TOMM22: variants seen among roughly 807,000 people sequenced by gnomAD.
The protein encoded by TOMM22 is mitochondrial import receptor subunit TOM22 homolog.
In TOMM22, 3 loss-of-function variants were observed where a neutral mutation model predicts 17.1. That is an observed-to-expected ratio of 0.18 (90% CI 0.08 to 0.45). TOMM22 has a LOEUF of 0.45. Among genes scored for constraint, TOMM22 ranks in the 20% least tolerant of loss-of-function variants. The pLI is 0.99. For missense variants in TOMM22, 159 were observed against 179.5 expected (o/e 0.89, Z 0.65); for synonymous variants, 91 against 74.0 (o/e 1.23, Z -1.18).
rs2092490027 is a variant in TOMM22, at chr22:38,684,481, A to G, written c.*640A>G. 1 of 152,170 alleles carries G rather than the reference A, an allele frequency of 6.6e-6. No homozygotes were observed. Among genetic ancestry groups the G allele is most frequent in the Admixed American group, 6.6e-5 (1 of 15,266 alleles). The allele number at this position is 152,170 out of a possible 1,614,324, so 9.4% of individuals were successfully genotyped here. ...TATTTAAATATTAAAAATGATTCCA[A>G]CTGAAAGTGTCATCCTAAGTACCTT... On this transcript the variant is annotated 3_prime_UTR_variant, in exon 4 of 4. Coordinates refer to ENST00000216034, the MANE Select transcript of TOMM22 (RefSeq NM_020243.5).
Position 38,683,891 on chromosome 22 carries a change from G to C in TOMM22, c.*50G>C. 6.0e-6 allele frequency: 9 copies of C among 1,496,870 alleles called. No homozygotes were observed. The highest frequency in any genetic ancestry group is 8.3e-6 in the Non-Finnish European group (9 of 1,086,394). The allele number at this position is 1,496,870 out of a possible 1,614,324, so 92.7% of individuals were successfully genotyped here. On this transcript the variant is annotated 3_prime_UTR_variant, in exon 4 of 4. Coordinates refer to ENST00000216034, the MANE Select transcript of TOMM22 (RefSeq NM_020243.5). ...TCAGTGGGATAAGTTTGAAATTCAA[G>C]TGTTTGAACTGCTGATAATTTGGAT...
Position 38,685,107 on chromosome 22 carries a change from C to T in TOMM22, c.*1266C>T, listed in dbSNP as rs1271388377. ...CAGAGTAAGCCTTTTGTGTGTTTATCAGATCAACCAACACTACAATCTAGG... is the reference window on the plus strand; with the variant it reads ...CAGAGTAAGCCTTTTGTGTGTTTATTAGATCAACCAACACTACAATCTAGG... On this transcript the variant is annotated 3_prime_UTR_variant, in exon 4 of 4. Coordinates refer to ENST00000216034, the MANE Select transcript of TOMM22 (RefSeq NM_020243.5). The T allele has an allele frequency of 6.6e-6, 1 of 152,152 alleles. No homozygotes were observed. Among genetic ancestry groups the T allele is most frequent in the Non-Finnish European group, 1.5e-5 (1 of 68,026 alleles). 9.4% of individuals were successfully genotyped at this position (152,152 alleles called of 1,614,324 possible). A position where few individuals can be genotyped will look rare whatever the true frequency, so the allele number is the denominator to read the frequency against.
Position 38,681,971 on chromosome 22 carries a change from C to T in TOMM22, c.-8C>T, listed in dbSNP as rs778490691. On this transcript the variant is annotated 5_prime_UTR_variant, in exon 1 of 4. Coordinates refer to ENST00000216034, the MANE Select transcript of TOMM22 (RefSeq NM_020243.5). ...ACCTCCTTTCCGCTTCCGGTGTCCC[C>T]TACAGTCATGGCTGCCGCCGTCGCT... 148 of 1,612,032 alleles carry T rather than the reference C, an allele frequency of 9.2e-5. No individual in the cohort carries two copies. Among genetic ancestry groups the T allele is most frequent in the South Asian group, 1.3e-4 (12 of 90,908 alleles).
At position 38,683,791 on chromosome 22, in the gene TOMM22, C is replaced by G. The variant is rs2092487209; in HGVS notation, c.379C>G (p.Leu127Val). The G allele has an allele frequency of 2.5e-6, 4 of 1,613,982 alleles. No individual in the cohort carries two copies. In the African/African-American group the frequency reaches 4.0e-5, roughly 16 times the overall value. The part of the protein sequence containing the change: ...RQILLGPNTG[L>V]SGGMPGALPS... ...GATACTTCTAGGACCTAACACAGGG[C>G]TCTCAGGAGGAATGCCAGGGGCTCT... is the stretch of plus-strand genomic sequence containing the variant. The change falls in exon 4 of 4, where the codon CTC becomes GTC. Residue 127 changes from leucine to valine, a missense_variant. By Grantham distance (32) the Leu-to-Val change is conservative. Around this residue, in one of 3 missense-constraint regions of TOMM22, gnomAD observed 33 missense variants for 34.7 expected, o/e 0.95. Transcript: ENST00000216034.
chr22:38,683,024 A>G, intron 3 of TOMM22, 28 bp downstream of exon 3: 8 of 1,594,620 alleles, frequency 5.0e-6, no homozygotes, highest in Non-Finnish European at 6.9e-6. Context: ...GCTTTTTGCC[A>G]GTGGTGGAGA....
In TOMM22 at chr22:38,682,304, C is replaced by T. The variant is rs1424397779; in HGVS notation, c.118-19C>T. 3.1e-6 allele frequency: 5 copies of T among 1,608,748 alleles called. No homozygotes were observed. Among genetic ancestry groups the T allele is most frequent in the South Asian group, 1.1e-5 (1 of 90,974 alleles). ...GGATGTCGCTTTTTCGGCTAAGACC[C>T]GCGTCTACTCCACCACAGCTAGATG... On this transcript the variant is annotated intron_variant, in intron 1 of 3. Transcript: ENST00000216034.
chr22:38,682,418 C>G lies in TOMM22; in HGVS notation c.213C>G (p.Leu71=). Residue 71 remains leucine (L), a synonymous_variant, in exon 2 of 4, where the codon CTC becomes CTG. Coordinates refer to ENST00000216034, the MANE Select transcript of TOMM22 (RefSeq NM_020243.5). Reference sequence around the variant, plus strand: ...CCGGAGCCACTTTTGATCTTTCCCTCTTTGTGGCTCAGAAAATGTACAGGT... The same window carrying G: ...CCGGAGCCACTTTTGATCTTTCCCTGTTTGTGGCTCAGAAAATGTACAGGT... The part of the protein sequence containing the change: ...SAAGATFDLS[L]FVAQKMYRFS... 1 of 1,614,170 alleles carries G rather than the reference C, an allele frequency of 6.2e-7. No individual in the cohort carries two copies. The highest frequency in any genetic ancestry group is 1.1e-5 in the South Asian group (1 of 91,078).
chr22:38,684,033 C>T lies in TOMM22; in HGVS notation c.*192C>T. 1 of 558,718 alleles carries T rather than the reference C, an allele frequency of 1.8e-6. No individual in the cohort carries two copies. Among genetic ancestry groups the T allele is most frequent in the Non-Finnish European group, 3.2e-6 (1 of 309,888 alleles). 34.6% of individuals were successfully genotyped at this position (558,718 alleles called of 1,614,324 possible). ...AACTGTGCCCTCCACACTATCCTTA[C>T]TTCTGTCTCCACTCTGATACCAGAG... is the stretch of plus-strand genomic sequence containing the variant. On this transcript the variant is annotated 3_prime_UTR_variant, in exon 4 of 4. Transcript: ENST00000216034.
chr22:38,684,859 G>A lies in TOMM22; in HGVS notation c.*1018G>A, dbSNP rs969530944. 6.8e-6 allele frequency: 1 copy of A among 147,744 alleles called. No individual in the cohort carries two copies. The highest frequency in any genetic ancestry group is 6.8e-5 in the Admixed American group (1 of 14,674). The allele number at this position is 147,744 out of a possible 1,614,324, so 9.2% of individuals were successfully genotyped here. A position where few individuals can be genotyped will look rare whatever the true frequency, so the allele number is the denominator to read the frequency against. ...GGTCTCACTGGAGTACAGTGGTGTC[G>A]TTTGGGTTCACTGCAACCTCTTACC... On this transcript the variant is annotated 3_prime_UTR_variant, in exon 4 of 4. Transcript: ENST00000216034.
Position 38,682,951 on chromosome 22 carries a change from G to C in TOMM22, c.309G>C (p.Thr103=). 1 of 1,613,782 alleles carries C rather than the reference G, an allele frequency of 6.2e-7. No individual in the cohort carries two copies. The highest frequency in any genetic ancestry group is 8.5e-7 in the Non-Finnish European group (1 of 1,179,856). The stretch of plus-strand genomic sequence containing the variant: ...TGGTTCTTCCCGTTGTCTTTGAGAC[G>C]GAGAAGTTGCAAATGGAGCAACAGC... ...MILVLPVVFE[T]EKLQMEQQQQ... Residue 103 remains threonine, a synonymous_variant, in exon 3 of 4, where the codon ACG becomes ACC. Transcript: ENST00000216034.
Position 38,683,817 on chromosome 22 carries a change from A to C in TOMM22, c.405A>C (p.Leu135=). Residue 135 remains leucine (L), a synonymous_variant, in exon 4 of 4, where the codon CTA becomes CTC. Coordinates refer to ENST00000216034, the MANE Select transcript of TOMM22 (RefSeq NM_020243.5). ...TGLSGGMPGA[L]PSLPGKI ...TCTCAGGAGGAATGCCAGGGGCTCTACCCTCACTTCCTGGAAAGATCTAGA... is the reference window on the plus strand; with the variant it reads ...TCTCAGGAGGAATGCCAGGGGCTCTCCCCTCACTTCCTGGAAAGATCTAGA... 1 of 1,613,322 alleles carries C rather than the reference A, an allele frequency of 6.2e-7. No homozygotes were observed. Among genetic ancestry groups the C allele is most frequent in the Non-Finnish European group, 8.5e-7 (1 of 1,179,706 alleles).
At chr22:38,682,512 T>G in intron 2 of TOMM22, 71 bp downstream of exon 2, 1 of 1,417,428 alleles carries the variant, frequency 7.1e-7, no homozygotes, top group Non-Finnish European at 1.0e-6. Flanking sequence ...AACACGGGGT[T>G]TGGAAGCAGC....
In TOMM22 at chr22:38,683,015, C is replaced by T. The variant is rs549424149; in HGVS notation, c.354+19C>T. The T allele has an allele frequency of 2.1e-5, 34 of 1,608,736 alleles. No homozygotes were observed. Among genetic ancestry groups the T allele is most frequent in the South Asian group, 1.5e-4 (14 of 90,948 alleles). ...GCGGCAGGTGAGCCCAGACCTTGGG[C>T]TTTTTGCCAGTGGTGGAGACGCAAG... On this transcript the variant is annotated intron_variant, in intron 3 of 3. Transcript: ENST00000216034.
intron 3 of TOMM22, 81 bp downstream of exon 3, chr22:38,683,077 C>CGCCA: frequency 9.6e-7 from 1 of 1,040,004 alleles, no homozygotes; most frequent in East Asian, 4.4e-5. Context: ...ACCTTTTTGG[C>CGCCA]ACCAGGGACT....
intron 3 of TOMM22, 111 bp from the exon 4 acceptor site, chr22:38,683,656 G>T: frequency 1.3e-6 from 1 of 784,376 alleles, no homozygotes; most frequent in Non-Finnish European, 2.1e-6. Context: ...TCTTTTAGTT[G>T]TCTGACTGTG....
At chr22:38,682,486 C>A in intron 2 of TOMM22, 45 bp downstream of exon 2, 3 of 1,556,508 alleles carry the variant, frequency 1.9e-6, no homozygotes, top group South Asian at 2.2e-5. Flanking sequence ...ATGGGATGGT[C>A]GTGGTGCTGT....
intron 3 of TOMM22, among the ~76,000 whole-genome samples, 154 bp downstream of exon 3, chr22:38,683,150 G>GC (rs1555985186): frequency 2.2e-5 from 3 of 137,042 alleles, no homozygotes; most frequent in South Asian, 2.4e-4. Flanking sequence ...GTCGGGGGGG[G>GC]GGTTCTGGAT....
intron 3 of TOMM22, 61 bp downstream of exon 3, chr22:38,683,057 T>C (rs1262402301): frequency 1.5e-6 from 2 of 1,297,246 alleles, no homozygotes; most frequent in East Asian, 3.7e-5. Context: ...CACTAACACA[T>C]TGGTCCCCAA....
chr22:38,682,238 T>C (rs2092480905), intron 1 of TOMM22, 85 bp from the exon 2 acceptor site: 4 of 1,534,186 alleles, frequency 2.6e-6, no homozygotes, highest in Non-Finnish European at 2.7e-6. Flanking sequence ...CTAGCTCCAG[T>C]GGGGCTCGGC....
Sources: gnomAD v4.1 joint callset for allele counts (sites outside exome capture counted in the v4.1 genomes callset) on GRCh38, gnomAD v4.1.1 for gene constraint, gnomAD v4.1.1 regional missense constraint, MANE v1.5 for transcripts, NCBI Gene and HGNC (gene_info 2026-07-23, HGNC 2026-07-21) for gene names.